INO80: variants seen among roughly 807,000 people sequenced by gnomAD.
INO80 encodes the protein INO80 complex ATPase subunit.
Under a neutral mutation model 203.4 loss-of-function variants are expected in INO80, and 20 were observed. That is an observed-to-expected ratio of 0.10 (90% CI 0.07 to 0.14). The LOEUF (loss-of-function observed/expected upper bound fraction) is 0.14, where lower values mean the gene tolerates loss of function less well. INO80 is among the 10% of genes least tolerant of loss of function. The pLI is 1.00. For missense variants in INO80, 1,419 were observed against 1,914.4 expected (o/e 0.74, Z 4.83); for synonymous variants, 726 against 685.2 (o/e 1.06, Z -0.93).
chr15:41,015,635 C>G (rs1343730421), intron 27 of INO80, among the ~76,000 whole-genome samples: 1 of 151,388 alleles, frequency 6.6e-6, no homozygotes, highest in African/African-American at 2.4e-5. Flanking sequence ...ATTGTAAAAT[C>G]AAAAAAAGGA....
rs953767199 is a variant in INO80 at position 41,085,698 on chromosome 15, A to G, written c.659-115T>C. On this transcript the variant is annotated intron_variant, in intron 6 of 35. Transcript: ENST00000648947. ...TTATTCCACCTGACACTGACAACAC[A>G]TATCCCTTTATCTACTCAGACCCAT... The G allele has an allele frequency of 1.7e-5, 12 of 714,902 alleles. No individual in the cohort carries two copies. The African/African-American group carries it at 1.8e-4, about 11-fold the overall frequency. The allele number at this position is 714,902 out of a possible 1,614,324, so 44.3% of individuals were successfully genotyped here.
At chr15:41,016,055 G>T in intron 27 of INO80, 33 bp downstream of exon 27, 1 of 1,580,636 alleles carries the variant, frequency 6.3e-7, no homozygotes, top group Non-Finnish European at 8.7e-7. Flanking sequence ...TAAATGTCAA[G>T]GTATCCTAGG....
intron 31 of INO80, among the ~76,000 whole-genome samples, 173 bp downstream of exon 31, chr15:40,986,918 C>CCA (rs1355517343): frequency 1.3e-5 from 2 of 152,202 alleles, no homozygotes; most frequent in African/African-American, 4.8e-5. Context: ...GAGGCGTGAG[C>CCA]CACCATGCCT....
At position 41,081,003 on chromosome 15, in the gene INO80, C is replaced by T. The variant is rs759599414; in HGVS notation, c.927+17G>A. The T allele has an allele frequency of 6.4e-7, 1 of 1,555,666 alleles. No homozygotes were observed. Among genetic ancestry groups the T allele is most frequent in the South Asian group, 1.1e-5 (1 of 89,032 alleles). On this transcript the variant is annotated intron_variant, in intron 8 of 35. Coordinates refer to ENST00000648947, the MANE Select transcript of INO80 (RefSeq NM_017553.3). ...CCAGCAAAACATGAAATGGAAAATA[C>T]AAAACTACAATTTTACCTTTCGGCT...
chr15:41,082,797 C>A (rs1231114580), intron 7 of INO80, among the ~76,000 whole-genome samples: 1 of 152,222 alleles, frequency 6.6e-6, no homozygotes, highest in South Asian at 2.1e-4. Context: ...GGTGCGAGGA[C>A]TGCTTGAGCC....
At chr15:41,058,572 T>C (rs113617850) in intron 16 of INO80, 67 bp downstream of exon 16, 2,790 of 165,244 alleles carry the variant, frequency 0.017, 33 homozygotes, top group African/African-American at 0.11. Context: ...TGTGTGTGCG[T>C]GTGTGTGTGT....
intron 32 of INO80, 23 bp downstream of exon 32, chr15:40,985,315 C>A: frequency 1.9e-6 from 3 of 1,582,724 alleles, no homozygotes; most frequent in South Asian, 1.1e-5. Flanking sequence ...TAGCCCCTAT[C>A]CACCATTCCA....
intron 31 of INO80, among the ~76,000 whole-genome samples, chr15:40,986,358 CTTG>C (rs144566625): frequency 0.14 from 15,890 of 111,932 alleles, 2,624 homozygotes; most frequent in African/African-American, 0.42. Flanking sequence ...GAATCTTGCT[CTTG>C]TTGTCCAGGC....
At chr15:41,090,110 G>A (rs1432682713) in intron 5 of INO80, among the ~76,000 whole-genome samples, 1 of 152,094 alleles carries the variant, frequency 6.6e-6, no homozygotes, top group Admixed American at 6.6e-5. Context: ...GCATATATAA[G>A]ATAAGGTATA....
At chr15:41,110,903 G>A (rs1261974592) in intron 1 of INO80, among the ~76,000 whole-genome samples, 2 of 152,144 alleles carry the variant, frequency 1.3e-5, no homozygotes, top group Non-Finnish European at 2.9e-5. Context: ...AACTGGTTAT[G>A]TGAGCATATT....
chr15:41,026,863 C>T (rs2044382562), intron 25 of INO80, among the ~76,000 whole-genome samples: 1 of 152,188 alleles, frequency 6.6e-6, no homozygotes, highest in South Asian at 2.1e-4. Flanking sequence ...AAGTAAATAA[C>T]CCCAGTGTGC....
At position 41,079,846 on chromosome 15, in the gene INO80, C is replaced by T; in HGVS notation, c.986G>A (p.Cys329Tyr). 1 of 1,614,148 alleles carries T rather than the reference C, an allele frequency of 6.2e-7. No individual in the cohort carries two copies. The highest frequency in any genetic ancestry group is 1.1e-5 in the South Asian group (1 of 91,084). Residue 329 changes from cysteine (C) to tyrosine (Y), a missense_variant, in exon 9 of 36, where the codon TGT (cysteine) becomes TAT (tyrosine). By Grantham distance (194) the Cys-to-Tyr change is radical. This residue lies in a region of INO80 where 87 missense variants were observed against 150.5 expected (regional missense o/e 0.58). Coordinates refer to ENST00000648947, the MANE Select transcript of INO80 (RefSeq NM_017553.3). ...RRAALQAQKN[C>Y]KETLPRARRL... ...GCGGGCACGAGGCAAGGTTTCCTTA[C>T]AGTTCTTCTGGGCCTGCAAGGCAGC...
chr15:41,108,434 T>C (rs996218260), intron 1 of INO80, among the ~76,000 whole-genome samples: 22 of 149,826 alleles, frequency 1.5e-4, no homozygotes, highest in Admixed American at 1.0e-3. Context: ...TACTAAAAAA[T>C]ACAAAAAATT....
Position 41,047,380 on chromosome 15 carries a change from C to T in INO80, c.2735+28G>A, listed in dbSNP as rs2044787220. 3 of 1,484,780 alleles carry T rather than the reference C, an allele frequency of 2.0e-6. 1 individual carries two copies. The highest frequency in any genetic ancestry group is 1.7e-5 in the Admixed American group (1 of 58,676). 92.0% of individuals were successfully genotyped at this position (1,484,780 alleles called of 1,614,324 possible). On this transcript the variant is annotated intron_variant, in intron 23 of 35. Transcript: ENST00000648947. Reference sequence around the variant, plus strand: ...TATCCCATTTATTCCTAACTGGCCTCTTATCAAGCAATAAGCAAACCTCTC... The same window carrying T: ...TATCCCATTTATTCCTAACTGGCCTTTTATCAAGCAATAAGCAAACCTCTC...
chr15:41,022,901 G>A (rs1333214845), intron 25 of INO80, among the ~76,000 whole-genome samples: 1 of 151,972 alleles, frequency 6.6e-6, no homozygotes, highest in African/African-American at 2.4e-5. Context: ...AGGAGTTCAA[G>A]ACTAGCCTGG....
Position 40,980,459 on chromosome 15 carries a change from A to T in INO80, c.4454-19T>A. The T allele has an allele frequency of 6.3e-7, 1 of 1,593,548 alleles. No homozygotes were observed. Among genetic ancestry groups the T allele is most frequent in the African/African-American group, 1.3e-5 (1 of 74,602 alleles). On this transcript the variant is annotated intron_variant, in intron 35 of 35. Transcript: ENST00000648947. ...GAGATTCCTGTGGGGACGGAGAGAG[A>T]CAAGAACGTAAGCACCAGTCCCGCG...
intron 27 of INO80, among the ~76,000 whole-genome samples, chr15:41,011,038 CA>C (rs1280343951): frequency 6.6e-6 from 1 of 152,210 alleles, no homozygotes; most frequent in African/African-American, 2.4e-5. Context: ...GCAAGACTAG[CA>C]AAAGGCAATC....
intron 29 of INO80, among the ~76,000 whole-genome samples, chr15:40,996,839 G>T (rs1021539485): frequency 2.6e-5 from 4 of 152,148 alleles, no homozygotes; most frequent in African/African-American, 9.7e-5. Context: ...AATCCTTTCT[G>T]ATGTGTTCAA....
intron 4 of INO80, among the ~76,000 whole-genome samples, chr15:41,095,204 G>A (rs1186960160): frequency 6.6e-6 from 1 of 152,172 alleles, no homozygotes; most frequent in Non-Finnish European, 1.5e-5. Context: ...AGCTGGGCGT[G>A]GTGGCGCATG....
Sources: allele counts gnomAD v4.1 joint callset (sites outside exome capture counted in the v4.1 genomes callset), GRCh38; gene constraint gnomAD v4.1.1; regional missense constraint gnomAD v4.1.1; transcripts MANE v1.5; gene names NCBI Gene and HGNC (gene_info 2026-07-23, HGNC 2026-07-21).